The following NDUFA8 variants were observed in gnomAD, a reference collection of about 807,000 sequenced individuals.
The protein encoded by NDUFA8 is NADH:ubiquinone oxidoreductase subunit A8.
In NDUFA8, 16 loss-of-function variants were observed where a neutral mutation model predicts 20.9. That is an observed-to-expected ratio of 0.77 (90% CI 0.52 to 1.16). The LOEUF (loss-of-function observed/expected upper bound fraction) is 1.16. Ranked by LOEUF, NDUFA8 falls within the 50% of genes most tolerant of loss-of-function variation. The pLI is 0.00. For missense variants in NDUFA8, 202 were observed against 216.4 expected, an observed-to-expected ratio of 0.93 and a Z score of 0.42; for synonymous variants, 70 against 76.1, an observed-to-expected ratio of 0.92 and a Z score of 0.41.
chr9:122,137,516 C>T, the NDUFA8 span, among the ~76,000 whole-genome samples: 2 of 152,208 alleles, frequency 1.3e-5, no homozygotes, highest in African/African-American at 4.8e-5. Flanking sequence ...GCTGGGATTA[C>T]AGGCGTGAGC....
the NDUFA8 span, among the ~76,000 whole-genome samples, chr9:122,138,753 T>G: frequency 1.3e-5 from 2 of 150,646 alleles, no homozygotes; most frequent in Admixed American, 1.3e-4. Flanking sequence ...AGGGTGCTTC[T>G]AACACGGAGG....
chr9:122,145,167 T>C (rs1828888763), intron 3 of NDUFA8, among the ~76,000 whole-genome samples: 2 of 152,198 alleles, frequency 1.3e-5, no homozygotes, highest in African/African-American at 4.8e-5. Flanking sequence ...GCAAAGGTGT[T>C]TGCGTTTTAA....
At chr9:122,147,617 A>ATT (rs34576446) in intron 3 of NDUFA8, among the ~76,000 whole-genome samples, 11,174 of 106,616 alleles carry the variant, frequency 0.1, 1,370 homozygotes, top group African/African-American at 0.26. Context: ...GCCTAAAGAA[A>ATT]TTTTTTTTTT....
downstream of NDUFA8, among the ~76,000 whole-genome samples, chr9:122,142,432 A>G (rs1373952892): frequency 6.6e-6 from 1 of 152,152 alleles, no homozygotes; most frequent in Non-Finnish European, 1.5e-5. Context: ...ACTACACACC[A>G]ATTACAACAG....
the NDUFA8 span, among the ~76,000 whole-genome samples, chr9:122,138,867 G>GGGGC: frequency 2.8e-5 from 4 of 140,678 alleles, no homozygotes; most frequent in Non-Finnish European, 6.2e-5. Context: ...AGAAGAGGTG[G>GGGGC]GGGGGGGGCC....
At position 122,148,287 on chromosome 9, in the gene NDUFA8, A is replaced by G. The variant is rs1436384972; in HGVS notation, c.216-10T>C. 8 of 1,614,178 alleles carry G rather than the reference A, an allele frequency of 5.0e-6. No individual in the cohort carries two copies. Among genetic ancestry groups the G allele is most frequent in the Non-Finnish European group, 6.8e-6 (8 of 1,180,010 alleles). On this transcript the variant is annotated splice_polypyrimidine_tract_variant and intron_variant, in intron 2 of 3. Coordinates refer to ENST00000373768, the MANE Select transcript of NDUFA8 (RefSeq NM_014222.3). ...GTGACGTTTTATCTGCCTGGAAAAG[A>G]AAGCTGGGTTAGGGGCATCTCTTTG...
chr9:122,147,617 ATTTT>A (rs34576446), intron 3 of NDUFA8, among the ~76,000 whole-genome samples: 1 of 106,758 alleles, frequency 9.4e-6, no homozygotes, highest in African/African-American at 3.8e-5. Flanking sequence ...GCCTAAAGAA[ATTTT>A]TTTTTTTTTT....
At chr9:122,132,584 C>T in the NDUFA8 span, among the ~76,000 whole-genome samples, 1 of 151,962 alleles carries the variant, frequency 6.6e-6, no homozygotes, top group East Asian at 1.9e-4. Flanking sequence ...GGCAGGAGGC[C>T]TGTGTTCCAA....
At chr9:122,139,814 C>T (rs566062849), downstream of NDUFA8, among the ~76,000 whole-genome samples, 32 of 152,208 alleles carry the variant, frequency 2.1e-4, no homozygotes, top group Non-Finnish European at 4.1e-4. Flanking sequence ...ATGCCTCAAC[C>T]TCCCCAGTAG....
chr9:122,158,337 A>G (rs1451022429), intron 1 of NDUFA8, among the ~76,000 whole-genome samples: 5 of 151,962 alleles, frequency 3.3e-5, no homozygotes, highest in East Asian at 1.9e-4. Flanking sequence ...ATCAAGTCCA[A>G]ACTGTTTGGT....
chr9:122,133,785 C>T, the NDUFA8 span, among the ~76,000 whole-genome samples: 1 of 152,246 alleles, frequency 6.6e-6, no homozygotes. Context: ...GACATTCAAG[C>T]AGCTTCCTCC....
the NDUFA8 span, among the ~76,000 whole-genome samples, chr9:122,136,951 T>C: frequency 6.6e-6 from 1 of 152,216 alleles, no homozygotes; most frequent in Non-Finnish European, 1.5e-5. Flanking sequence ...AGGCTTCTGA[T>C]GCTCAGGTCT....
At chr9:122,150,355 A>T (rs1364976408) in intron 2 of NDUFA8, among the ~76,000 whole-genome samples, 1 of 148,634 alleles carries the variant, frequency 6.7e-6, no homozygotes, top group Non-Finnish European at 1.5e-5. Flanking sequence ...AGCTTGCAGT[A>T]AGCCAAGATC....
rs57972350 is a variant in NDUFA8, at chr9:122,145,509, A to C, written c.382-1131T>G. Among the ~76,000 whole-genome samples the C allele has an allele frequency of 9.3e-3, 1,407 of 151,818 alleles. 27 individuals carry two copies. Among genetic ancestry groups the C allele is most frequent in the African/African-American group, 0.032 (1,328 of 41,076 alleles). ...TATTCTTCTACTGGGCTGAACTCTT[A>C]AGTCACCTCATGTAAAATGACCAGA... On this transcript the variant is annotated intron_variant, in intron 3 of 3. Coordinates refer to ENST00000373768, the MANE Select transcript of NDUFA8 (RefSeq NM_014222.3).
At chr9:122,138,886 A>G in the NDUFA8 span, among the ~76,000 whole-genome samples, 1 of 145,412 alleles carries the variant, frequency 6.9e-6, no homozygotes, top group East Asian at 2.0e-4. Flanking sequence ...CCATCTGAGC[A>G]GAGGACACAG....
intron 3 of NDUFA8, among the ~76,000 whole-genome samples, chr9:122,146,059 T>C (rs571867804): frequency 3.3e-5 from 5 of 152,214 alleles, no homozygotes; most frequent in East Asian, 3.9e-4. Flanking sequence ...TGAGGCAGAA[T>C]TGCTTGAACC....
intron 1 of NDUFA8, among the ~76,000 whole-genome samples, chr9:122,153,556 G>A (rs373155311): frequency 6.6e-6 from 1 of 152,174 alleles, no homozygotes; most frequent in African/African-American, 2.4e-5. Flanking sequence ...GATACACAGT[G>A]TAGATATAGC....
intron 2 of NDUFA8, among the ~76,000 whole-genome samples, chr9:122,148,773 T>C (rs1476430458): frequency 6.6e-6 from 1 of 152,100 alleles, no homozygotes; most frequent in Non-Finnish European, 1.5e-5. Flanking sequence ...AAAGACAAAC[T>C]GTACTCCACT....
chr9:122,142,533 TGAA>T (rs549779995), downstream of NDUFA8, among the ~76,000 whole-genome samples: 43 of 152,336 alleles, frequency 2.8e-4, no homozygotes, highest in South Asian at 1.7e-3. Context: ...CGCATGGCTT[TGAA>T]GAATAGGAGT....
Sources: gnomAD v4.1 joint callset for allele counts (sites outside exome capture counted in the v4.1 genomes callset) on GRCh38, gnomAD v4.1.1 for gene constraint, MANE v1.5 for transcripts, NCBI Gene and HGNC (gene_info 2026-07-23, HGNC 2026-07-21) for gene names.